Variants in MZT2B observed in about 807,000 individuals in gnomAD.
MZT2B encodes mitotic spindle organizing protein 2B.
In MZT2B, 11 loss-of-function variants were observed where a neutral mutation model predicts 12.1. That is an observed-to-expected ratio of 0.91 (90% CI 0.57 to 1.50). The LOEUF (loss-of-function observed/expected upper bound fraction) is 1.50, where lower values mean the gene tolerates loss of function less well. MZT2B is among the 40% of genes most tolerant of loss of function. MZT2B has a pLI of 0.00. For missense variants in MZT2B, 209 were observed against 227.7 expected, an observed-to-expected ratio of 0.92 and a Z score of 0.53; for synonymous variants, 85 against 109.5, an observed-to-expected ratio of 0.78 and a Z score of 1.40.
intron 2 of MZT2B, among the ~76,000 whole-genome samples, chr2:130,186,423 G>A (rs1342025407): frequency 6.6e-6 from 1 of 152,178 alleles, no homozygotes; most frequent in Non-Finnish European, 1.5e-5. Flanking sequence ...AGTCATTGAG[G>A]GAAAAATAAA....
chr2:130,184,279 G>C (rs1023708913), intron 2 of MZT2B: 105 of 985,458 alleles, frequency 1.1e-4, no homozygotes, highest in Middle Eastern at 5.2e-4. Context: ...GCGGTGTGCT[G>C]TGCTGGAGAG....
At chr2:130,203,048 C>CTTTTTTTTTTTTTTTT in the MZT2B span, among the ~76,000 whole-genome samples, 1 of 118,528 alleles carries the variant, frequency 8.4e-6, no homozygotes, top group Admixed American at 9.6e-5. Flanking sequence ...TTTCTTTTTT[C>CTTTTTTTTTTTTTTTT]TTTTTTTTTT....
intron 2 of MZT2B, among the ~76,000 whole-genome samples, chr2:130,187,008 G>A (rs1301835890): frequency 7.2e-6 from 1 of 139,088 alleles, no homozygotes; most frequent in African/African-American, 2.7e-5. Flanking sequence ...CTTGAAGCTC[G>A]GAGTTTGAGA....
the MZT2B span, among the ~76,000 whole-genome samples, chr2:130,200,139 C>T: frequency 2.0e-5 from 3 of 151,116 alleles, no homozygotes; most frequent in Admixed American, 1.3e-4. Flanking sequence ...CGCCTGTAAT[C>T]GCAGCACTTT....
chr2:130,188,241 A>T (rs922705416), intron 2 of MZT2B: 1 of 158,630 alleles, frequency 6.3e-6, no homozygotes, highest in Admixed American at 6.6e-5. Flanking sequence ...TGCTGTGGGG[A>T]GCTGAGAGCG....
chr2:130,188,896 C>T (rs1375456945), intron 2 of MZT2B, among the ~76,000 whole-genome samples: 2 of 151,982 alleles, frequency 1.3e-5, no homozygotes, highest in African/African-American at 2.4e-5. Flanking sequence ...TCTAGACACC[C>T]GGTTGCATCT....
At chr2:130,199,323 T>C in the MZT2B span, among the ~76,000 whole-genome samples, 4 of 120,898 alleles carry the variant, frequency 3.3e-5, 1 homozygote, top group Non-Finnish European at 5.4e-5. Context: ...GGCAGGAGGA[T>C]TGCTTCAGGT....
At chr2:130,186,949 G>A (rs1157999244) in intron 2 of MZT2B, among the ~76,000 whole-genome samples, 1 of 124,164 alleles carries the variant, frequency 8.1e-6, no homozygotes, top group Non-Finnish European at 1.8e-5. Context: ...CTGGGCATTG[G>A]TTCACACCTG....
downstream of MZT2B, among the ~76,000 whole-genome samples, chr2:130,191,525 CT>C (rs1197625776): frequency 6.6e-6 from 1 of 152,216 alleles, no homozygotes; most frequent in Non-Finnish European, 1.5e-5. Flanking sequence ...CCTGACTCAG[CT>C]TTCCTAGAAT....
chr2:130,197,089 T>C, the MZT2B span, among the ~76,000 whole-genome samples: 83,808 of 151,768 alleles, frequency 0.55, 26,514 homozygotes, highest in African/African-American at 0.88. Context: ...ACTACCCTCC[T>C]AATTTCTTGT....
downstream of MZT2B, among the ~76,000 whole-genome samples, chr2:130,192,609 T>A (rs748318071): frequency 4.5e-4 from 69 of 152,152 alleles, no homozygotes; most frequent in Non-Finnish European, 7.2e-4. Context: ...AAGAGTCATA[T>A]GAATGCTGCT....
chr2:130,192,145 G>T, downstream of MZT2B: 2 of 1,589,292 alleles, frequency 1.3e-6, no homozygotes, highest in Non-Finnish European at 1.7e-6. Context: ...AGAAGGGAAA[G>T]AAAGCAGTCC....
At chr2:130,184,246 A>G in intron 2 of MZT2B, 2 of 1,379,820 alleles carry the variant, frequency 1.4e-6, no homozygotes, top group Non-Finnish European at 1.9e-6. Context: ...GCCCCTCTCC[A>G]AGGGAAGACA....
At chr2:130,194,453 G>A (rs747899008), downstream of MZT2B, 4 of 1,567,698 alleles carry the variant, frequency 2.6e-6, no homozygotes, top group East Asian at 2.3e-5. Context: ...CTGCAGTCCT[G>A]TGCACAGATC....
At chr2:130,183,108 G>T (rs907780826) in intron 2 of MZT2B, 1 of 468,598 alleles carries the variant, frequency 2.1e-6, no homozygotes, top group Non-Finnish European at 3.8e-6. Context: ...CCTGGCTCAC[G>T]CCTATAATCT....
chr2:130,183,562 C>G (rs1261087634), intron 2 of MZT2B: 2 of 719,422 alleles, frequency 2.8e-6, no homozygotes, highest in South Asian at 3.1e-5. Flanking sequence ...GCACAACCTC[C>G]TAGGCCAATG....
chr2:130,184,585 G>T (rs574568281), intron 2 of MZT2B: 2 of 985,268 alleles, frequency 2.0e-6, no homozygotes, highest in African/African-American at 3.5e-5. Context: ...TCCTGACAGC[G>T]CCCACCTCAC....
the MZT2B span, chr2:130,196,189 C>A: frequency 6.8e-6 from 11 of 1,613,862 alleles, no homozygotes; most frequent in Non-Finnish European, 8.5e-6. Context: ...CTGCTCTGGG[C>A]ACGTGCTTGC....
At chr2:130,181,660 G>C, upstream of MZT2B, 1 of 1,551,302 alleles carries the variant, frequency 6.4e-7, no homozygotes, top group Non-Finnish European at 8.7e-7. Flanking sequence ...CCACCTCTTT[G>C]GGCCGTTACC....
Sources: gnomAD v4.1 joint callset for allele counts (sites outside exome capture counted in the v4.1 genomes callset) on GRCh38, gnomAD v4.1.1 for gene constraint, MANE v1.5 for transcripts, NCBI Gene and HGNC (gene_info 2026-07-23, HGNC 2026-07-21) for gene names.